MAGI2: variants seen among roughly 807,000 people sequenced by gnomAD.
The protein encoded by MAGI2 is membrane associated guanylate kinase, WW and PDZ domain containing 2, also known as membrane-associated guanylate kinase, WW and PDZ domain-containing protein 2.
Under a neutral mutation model 133.3 loss-of-function variants are expected in MAGI2, and 35 were observed. The observed-to-expected ratio is 0.26, with a 90% CI of 0.20 to 0.35. The LOEUF is 0.35. MAGI2 is among the 10% of genes least tolerant of loss of function. The pLI is 1.00. For missense variants in MAGI2, 1,636 were observed against 1,863.4 expected (o/e 0.88, Z 2.25); for synonymous variants, 729 against 710.6 (o/e 1.03, Z -0.41).
intron 6 of MAGI2, among the ~76,000 whole-genome samples, chr7:78,436,990 T>A (rs1019509947): frequency 6.6e-6 from 1 of 152,156 alleles, no homozygotes; most frequent in Non-Finnish European, 1.5e-5. Context: ...CTAAGGCTGA[T>A]CTATACCAAA....
chr7:78,031,231 G>T (rs1422965448), intron 21 of MAGI2, among the ~76,000 whole-genome samples: 3 of 152,130 alleles, frequency 2.0e-5, no homozygotes, highest in Non-Finnish European at 2.9e-5. Context: ...ACTACAATGG[G>T]GGATAAGAGA....
At chr7:78,601,201 C>A (rs1805166886) in intron 3 of MAGI2, among the ~76,000 whole-genome samples, 1 of 152,080 alleles carries the variant, frequency 6.6e-6, no homozygotes, top group Admixed American at 6.6e-5. Flanking sequence ...GTGCCACACA[C>A]TATTCTAGGG....
intron 1 of MAGI2, among the ~76,000 whole-genome samples, chr7:79,170,228 A>G (rs1027119894): frequency 6.6e-5 from 9 of 136,704 alleles, no homozygotes; most frequent in Non-Finnish European, 1.2e-4. Context: ...AGCTCACTGT[A>G]ACCTTAACCT....
chr7:79,121,914 C>G (rs10255710), intron 1 of MAGI2, among the ~76,000 whole-genome samples: 107,398 of 151,894 alleles, frequency 0.71, 39,704 homozygotes, highest in Non-Finnish European at 0.83. Flanking sequence ...CATCTTTCAT[C>G]AGTATTTCAC....
intron 9 of MAGI2, among the ~76,000 whole-genome samples, chr7:78,315,527 A>G (rs542727996): frequency 6.6e-6 from 1 of 152,298 alleles, no homozygotes; most frequent in East Asian, 1.9e-4. Context: ...ACTGAGCCCA[A>G]CTAAATCATA....
At chr7:78,057,823 T>C (rs966384980) in intron 21 of MAGI2, among the ~76,000 whole-genome samples, 4 of 151,760 alleles carry the variant, frequency 2.6e-5, no homozygotes, top group African/African-American at 9.7e-5. Context: ...GGGCATTGCC[T>C]GATATTTTAC....
chr7:78,226,379 A>T (rs1255221863), intron 10 of MAGI2, among the ~76,000 whole-genome samples: 1 of 151,738 alleles, frequency 6.6e-6, no homozygotes, highest in Non-Finnish European at 1.5e-5. Context: ...CTTTGGCATG[A>T]TAGGCAAATT....
intron 2 of MAGI2, among the ~76,000 whole-genome samples, chr7:78,656,120 A>G (rs1812249660): frequency 6.6e-6 from 1 of 152,162 alleles, no homozygotes; most frequent in South Asian, 2.1e-4. Flanking sequence ...TGTCCATTAT[A>G]CTAGAGTGGT....
At chr7:79,371,302 G>T (rs890592712) in intron 1 of MAGI2, among the ~76,000 whole-genome samples, 1 of 151,802 alleles carries the variant, frequency 6.6e-6, no homozygotes, top group Non-Finnish European at 1.5e-5. Flanking sequence ...AAAAATATTT[G>T]CAACAATAAA....
chr7:78,602,934 T>C (rs981736192), intron 3 of MAGI2, among the ~76,000 whole-genome samples: 1 of 152,192 alleles, frequency 6.6e-6, no homozygotes, highest in African/African-American at 2.4e-5. Flanking sequence ...CTACAGTTAA[T>C]TGACTAAATA....
chr7:78,287,101 A>T (rs559485039), intron 9 of MAGI2, among the ~76,000 whole-genome samples: 1 of 152,284 alleles, frequency 6.6e-6, no homozygotes, highest in Admixed American at 6.5e-5. Context: ...GGAGTGGCAT[A>T]ATCATTTTTT....
At chr7:79,406,761 G>A (rs1337840893) in intron 1 of MAGI2, among the ~76,000 whole-genome samples, 4 of 152,018 alleles carry the variant, frequency 2.6e-5, no homozygotes, top group South Asian at 4.1e-4. Flanking sequence ...AAAGCTCTGC[G>A]TAAAAGGCTG....
chr7:79,323,787 A>G (rs1042383766), intron 1 of MAGI2, among the ~76,000 whole-genome samples: 1 of 152,184 alleles, frequency 6.6e-6, no homozygotes, highest in Non-Finnish European at 1.5e-5. Flanking sequence ...ATGAATGACC[A>G]GACAGCTCAA....
At chr7:78,442,481 G>C (rs1787727016) in intron 6 of MAGI2, among the ~76,000 whole-genome samples, 1 of 152,156 alleles carries the variant, frequency 6.6e-6, no homozygotes, top group African/African-American at 2.4e-5. Context: ...CAATAATTCT[G>C]TAATCATATA....
rs148157118 is a variant in MAGI2 at position 78,325,319 on chromosome 7, G to A, written c.1408+18459C>T. Among the ~76,000 whole-genome samples, 81 of 152,298 alleles carry A rather than the reference G, an allele frequency of 5.3e-4. 1 individual carries two copies. Among genetic ancestry groups the A allele is most frequent in the African/African-American group, 1.9e-3 (78 of 41,578 alleles). On this transcript the variant is annotated intron_variant, in intron 9 of 21. Coordinates refer to ENST00000354212, the MANE Select transcript of MAGI2 (RefSeq NM_012301.4). ...GAGAACCAATTTGTCTTTGATGGGA[G>A]ACAGTTTATAGATGCTGAATCTTCC...
At chr7:79,030,677 C>T (rs536767646) in intron 1 of MAGI2, among the ~76,000 whole-genome samples, 1 of 152,228 alleles carries the variant, frequency 6.6e-6, no homozygotes, top group African/African-American at 2.4e-5. Flanking sequence ...ATGGGAGTGG[C>T]ATTATCATGG....
chr7:79,007,747 A>G (rs534483564), intron 1 of MAGI2, among the ~76,000 whole-genome samples: 1 of 152,228 alleles, frequency 6.6e-6, no homozygotes, highest in South Asian at 2.1e-4. Flanking sequence ...GATTTAGTTA[A>G]GTAGGATGGT....
chr7:78,209,088 G>A (rs375054977), intron 10 of MAGI2, among the ~76,000 whole-genome samples: 2,619 of 133,214 alleles, frequency 0.02, 49 homozygotes, highest in Admixed American at 0.04. Flanking sequence ...CGGGCGTGGT[G>A]GCGGGCGCCT....
chr7:78,290,286 A>G lies in MAGI2; in HGVS notation c.1409-33705T>C, dbSNP rs547048398. 3.3e-5 allele frequency among the ~76,000 whole-genome samples: 5 copies of G among 152,330 alleles called. No homozygotes were observed. In the South Asian group the frequency reaches 1.0e-3, roughly 32 times the overall value. ...TAACAAGCAAATGGAAAACAAAAAGAGCAGGGGTTTCAATCCTAGTCTCTG... is the reference window on the plus strand; with the variant it reads ...TAACAAGCAAATGGAAAACAAAAAGGGCAGGGGTTTCAATCCTAGTCTCTG... On this transcript the variant is annotated intron_variant, in intron 9 of 21. Transcript: ENST00000354212.
Sources: allele counts gnomAD v4.1 joint callset (sites outside exome capture counted in the v4.1 genomes callset), GRCh38; gene constraint gnomAD v4.1.1; transcripts MANE v1.5; gene names NCBI Gene and HGNC (gene_info 2026-07-23, HGNC 2026-07-21).